CCDC15: variants seen among roughly 807,000 people sequenced by gnomAD.
CCDC15 encodes the protein coiled-coil domain-containing protein 15.
Under a neutral mutation model 114.5 loss-of-function variants are expected in CCDC15, and 105 were observed. The ratio of observed to expected loss-of-function variants is 0.92; its 90% confidence interval spans 0.78 to 1.08. The LOEUF (loss-of-function observed/expected upper bound fraction) is 1.08. Among genes scored for constraint, CCDC15 ranks in the 50% least tolerant of loss-of-function variants. The pLI, the probability that CCDC15 is intolerant of heterozygous loss-of-function variation, is 0.00. For missense variants in CCDC15, 1,105 were observed against 1,093.6 expected (o/e 1.01, Z -0.15); for synonymous variants, 334 against 377.8 (o/e 0.88, Z 1.34).
Position 125,040,585 on chromosome 11 carries a change from TGCAG to T in CCDC15, c.2735-4_2735-1del. On this transcript the variant is annotated splice_acceptor_variant and splice_polypyrimidine_tract_variant and intron_variant, in intron 15 of 15. Transcript: ENST00000344762. LOFTEE classifies it high-confidence loss of function. ...ATTCATTGCTGTGCAAACCTTTTTT[TGCAG>T]CATATACTCGGGCACTACATTCATT... 1 of 1,603,056 alleles carries T rather than the reference TGCAG, an allele frequency of 6.2e-7. No homozygotes were observed. The highest frequency in any genetic ancestry group is 8.5e-7 in the Non-Finnish European group (1 of 1,174,266).
chr11:124,958,770 C>G (rs1203045995), intron 2 of CCDC15, among the ~76,000 whole-genome samples: 1 of 151,824 alleles, frequency 6.6e-6, no homozygotes. Context: ...GAAGGGCATG[C>G]CAGGTTAAAA....
intron 4 of CCDC15, among the ~76,000 whole-genome samples, chr11:124,970,532 T>C (rs1947861425): frequency 6.6e-6 from 1 of 152,210 alleles, no homozygotes; most frequent in African/African-American, 2.4e-5. Flanking sequence ...GAATTCAACT[T>C]TGATTAGATT....
intron 11 of CCDC15, among the ~76,000 whole-genome samples, chr11:125,001,909 A>G (rs1003799888): frequency 1.3e-5 from 2 of 151,978 alleles, no homozygotes; most frequent in African/African-American, 4.8e-5. Context: ...TCTCTTGGTC[A>G]TATTATACCT....
intron 1 of CCDC15, 76 bp downstream of exon 1, chr11:124,954,446 G>GTGGGCC (rs1947512820): frequency 7.1e-6 from 2 of 280,278 alleles, no homozygotes; most frequent in Non-Finnish European, 1.4e-5. Context: ...CACAGCTGAG[G>GTGGGCC]ACAGTCTTCG....
In CCDC15 at chr11:125,039,046, G is replaced by A. The variant is rs1339271858; in HGVS notation, c.2711G>A (p.Cys904Tyr). ...CATCCTGATACCTGTGCCAACAACT[G>A]TATTTTCTATAAAAACCACAGAGGT... ...DAHPDTCANN[C>Y]IFYKNHRAYT... The change falls in exon 15 of 16, where the codon TGT becomes TAT. Residue 904 changes from cysteine (C) to tyrosine (Y), a missense_variant. By Grantham distance (194) the Cys-to-Tyr change is radical (BLOSUM62 -2). Transcript: ENST00000344762. 5.0e-6 allele frequency: 8 copies of A among 1,600,248 alleles called. No homozygotes were observed. In the East Asian group the frequency reaches 1.6e-4, roughly 31 times the overall value.
Position 125,040,691 on chromosome 11 carries a change from C to T in CCDC15, c.2836C>T (p.Arg946Trp), listed in dbSNP as rs544912196. The stretch of plus-strand genomic sequence containing the variant: ...TCATAATTTTGCTTCTGCACACAGG[C>T]GGACTTTGAAAAATCTATAATAAGA... ...AIHNFASAHR[R>W]TLKNL Residue 946 changes from arginine to tryptophan, a missense_variant, in exon 16 of 16, where the codon CGG becomes TGG. Physicochemically the swap from Arg to Trp is moderately radical, Grantham distance 101. Transcript: ENST00000344762. The T allele has an allele frequency of 5.6e-6, 9 of 1,611,520 alleles. No individual in the cohort carries two copies. Among genetic ancestry groups the T allele is most frequent in the South Asian group, 3.3e-5 (3 of 90,520 alleles).
intron 13 of CCDC15, among the ~76,000 whole-genome samples, chr11:125,024,933 A>G (rs893099867): frequency 4.1e-5 from 6 of 147,150 alleles, no homozygotes; most frequent in African/African-American, 1.5e-4. Context: ...AGACTGAGAA[A>G]GTGTTCTCTT....
At chr11:125,003,139 C>G (rs1948505583) in intron 11 of CCDC15, among the ~76,000 whole-genome samples, 1 of 151,764 alleles carries the variant, frequency 6.6e-6, no homozygotes, top group Non-Finnish European at 1.5e-5. Context: ...GTGTTTTCTT[C>G]TTTTTGAAGA....
chr11:125,012,392 T>C (rs992274416), intron 13 of CCDC15, among the ~76,000 whole-genome samples: 6 of 152,224 alleles, frequency 3.9e-5, no homozygotes, highest in African/African-American at 1.4e-4. Flanking sequence ...TTCCATATCA[T>C]AGGCACTGTC....
At chr11:125,000,441 TTC>T (rs1948459801) in intron 11 of CCDC15, among the ~76,000 whole-genome samples, 1 of 152,134 alleles carries the variant, frequency 6.6e-6, no homozygotes, top group African/African-American at 2.4e-5. Context: ...TCTAGCTCAC[TTC>T]TCTCTAGGTT....
intron 4 of CCDC15, among the ~76,000 whole-genome samples, chr11:124,964,980 A>G (rs1307056114): frequency 6.6e-6 from 1 of 151,840 alleles, no homozygotes; most frequent in Non-Finnish European, 1.5e-5. Flanking sequence ...CTTGCATCCC[A>G]GGGATGAAGC....
At chr11:124,986,671 GTGTGTGTGTGTGTGTGTGTT>G in intron 6 of CCDC15, 51 bp from the exon 7 acceptor site, 1 of 1,004,686 alleles carries the variant, frequency 1.0e-6, no homozygotes, top group Non-Finnish European at 1.4e-6. Flanking sequence ...ATGGTGCTGT[GTGTGTGTGTGTGTGTGTGTT>G]TGTGTGTGTG....
chr11:125,033,133 T>C (rs4581456), intron 13 of CCDC15, among the ~76,000 whole-genome samples: 127,275 of 152,154 alleles, frequency 0.84, 53,825 homozygotes, highest in African/African-American at 0.96. Context: ...GTCTGGATAT[T>C]GATTGAGGGG....
intron 11 of CCDC15, among the ~76,000 whole-genome samples, chr11:124,993,734 G>C (rs1442375193): frequency 2.6e-5 from 4 of 152,226 alleles, no homozygotes; most frequent in East Asian, 1.9e-4. Flanking sequence ...AGTTTGAGCT[G>C]GGCTTGTCAT....
At chr11:125,015,869 G>A (rs1179006011) in intron 13 of CCDC15, among the ~76,000 whole-genome samples, 1 of 152,094 alleles carries the variant, frequency 6.6e-6, no homozygotes, top group Non-Finnish European at 1.5e-5. Flanking sequence ...ACTGCTGCAG[G>A]CCCCTATACT....
intron 13 of CCDC15, among the ~76,000 whole-genome samples, chr11:125,023,310 A>G (rs1948674772): frequency 1.3e-5 from 2 of 152,134 alleles, no homozygotes; most frequent in South Asian, 2.1e-4. Context: ...GAGAAGATTG[A>G]TAAGTTGGAC....
At chr11:125,004,351 A>T (rs930099807) in intron 12 of CCDC15, among the ~76,000 whole-genome samples, 3 of 151,948 alleles carry the variant, frequency 2.0e-5, no homozygotes, top group African/African-American at 7.2e-5. Flanking sequence ...TTCAAAATAC[A>T]AATATGCCTA....
intron 13 of CCDC15, among the ~76,000 whole-genome samples, chr11:125,024,126 G>A (rs1449172124): frequency 2.6e-5 from 4 of 151,854 alleles, no homozygotes; most frequent in South Asian, 2.1e-4. Flanking sequence ...ATATACATAC[G>A]TACATTCATC....
rs374249602 is a variant in CCDC15 at position 124,977,546 on chromosome 11, G to C, written c.699G>C (p.Lys233Asn). 8 of 1,608,810 alleles carry C rather than the reference G, an allele frequency of 5.0e-6. No individual in the cohort carries two copies. The highest frequency in any genetic ancestry group is 6.8e-6 in the Non-Finnish European group (8 of 1,177,440). ...GAATAAGAGGAGAGTTGCCCATTAA[G>C]GTCCATCAAGGTCTTTTAGCTGCTG... is the stretch of plus-strand genomic sequence containing the variant. ...NTGIRGELPI[K>N]VHQGLLAAVP... The change falls in exon 6 of 16, where the codon AAG (lysine) becomes AAC (asparagine). Residue 233 changes from lysine to asparagine, a missense_variant. Coordinates refer to ENST00000344762, the MANE Select transcript of CCDC15 (RefSeq NM_025004.3).
Sources: allele counts gnomAD v4.1 joint callset (sites outside exome capture counted in the v4.1 genomes callset), GRCh38; gene constraint gnomAD v4.1.1; transcripts MANE v1.5; gene names NCBI Gene and HGNC (gene_info 2026-07-23, HGNC 2026-07-21).